Variants in APCDD1 observed in about 807,000 individuals in gnomAD.
APCDD1 encodes APC down-regulated 1.
APCDD1 carries 15 observed loss-of-function variants against 38.1 expected under a neutral mutation model. The observed-to-expected ratio is 0.39, with a 90% CI of 0.26 to 0.61. APCDD1 has a LOEUF of 0.61. Ranked by LOEUF, APCDD1 falls within the 20% of genes least tolerant of loss-of-function variation. The probability of loss-of-function intolerance (pLI) is 0.49; values close to 1 mark genes in which losing one functional copy is unlikely to be tolerated. For synonymous variants in APCDD1, 261 were observed against 279.7 expected (o/e 0.93, Z 0.67); for missense variants, 647 against 696.2 (o/e 0.93, Z 0.79).
In APCDD1 at chr18:10,476,864, T is replaced by C. The variant is rs1281378870; in HGVS notation, c.774+4803T>C. The C allele has an allele frequency of 6.6e-6, 1 of 152,232 alleles. No homozygotes were observed. Among genetic ancestry groups the C allele is most frequent in the African/African-American group, 2.4e-5 (1 of 41,462 alleles). The allele number at this position is 152,232 out of a possible 1,614,324, so 9.4% of individuals were successfully genotyped here. ...GCTGTGCTTTCTCTCTCAAATTCTT[T>C]AGGAGCCGCTAGGCTGGAGCCAGCA... On this transcript the variant is annotated intron_variant, in intron 3 of 4. Transcript: ENST00000355285. The surrounding 1 kb of genome is among the most constrained non-coding windows in gnomAD (Gnocchi z 5.8).
At chr18:10,474,670 C>T (rs2030949231) in intron 3 of APCDD1, among the ~76,000 whole-genome samples, 1 of 152,142 alleles carries the variant, frequency 6.6e-6, no homozygotes, top group South Asian at 2.1e-4. Context: ...TCTTACCTGC[C>T]TCTCTACCCC....
chr18:10,488,886 G>T lies in APCDD1; in HGVS notation c.*848G>T, dbSNP rs1223325106. The stretch of plus-strand genomic sequence containing the variant: ...GCAGTGTGGTACATGCCACACAAAT[G>T]ATAGAGAAAGTGCCCGTTCATTGCA... On this transcript the variant is annotated 3_prime_UTR_variant, in exon 5 of 5. Coordinates refer to ENST00000355285, the MANE Select transcript of APCDD1 (RefSeq NM_153000.5). 1 of 152,222 alleles carries T rather than the reference G, an allele frequency of 6.6e-6. No individual in the cohort carries two copies. The highest frequency in any genetic ancestry group is 1.5e-5 in the Non-Finnish European group (1 of 68,058). 9.4% of individuals were successfully genotyped at this position (152,222 alleles called of 1,614,324 possible).
chr18:10,483,986 T>C (rs1335402459), intron 3 of APCDD1, among the ~76,000 whole-genome samples: 1 of 152,170 alleles, frequency 6.6e-6, no homozygotes, highest in Non-Finnish European at 1.5e-5. Context: ...TGGCACTGTG[T>C]TCAAGCACCC....
At position 10,475,057 on chromosome 18, in the gene APCDD1, A is replaced by G. The variant is rs1036862076; in HGVS notation, c.774+2996A>G. On this transcript the variant is annotated intron_variant, in intron 3 of 4. Transcript: ENST00000355285. The surrounding 1 kb of genome is among the most constrained non-coding windows in gnomAD (Gnocchi z 4.0). ...CTTTTCTGTAAAATGGCAAAAATATAAGAATCAATAGGGTTAATGTGCAGA... is the reference window on the plus strand; with the variant it reads ...CTTTTCTGTAAAATGGCAAAAATATGAGAATCAATAGGGTTAATGTGCAGA... 6.6e-6 allele frequency among the ~76,000 whole-genome samples: 1 copy of G among 152,218 alleles called. No homozygotes were observed. The highest frequency in any genetic ancestry group is 1.5e-5 in the Non-Finnish European group (1 of 68,048).
At chr18:10,473,890 G>A (rs1233774085) in intron 3 of APCDD1, among the ~76,000 whole-genome samples, 1 of 151,158 alleles carries the variant, frequency 6.6e-6, no homozygotes, top group Non-Finnish European at 1.5e-5. Context: ...CCTACCTTTG[G>A]CTCGCTCTGA....
chr18:10,461,073 T>C (rs915788580), intron 1 of APCDD1, among the ~76,000 whole-genome samples: 1 of 145,050 alleles, frequency 6.9e-6, no homozygotes, highest in African/African-American at 2.5e-5. Flanking sequence ...TGGTAGCCTA[T>C]GGTGATTATG....
chr18:10,482,447 GCTC>G (rs1299673117), intron 3 of APCDD1, among the ~76,000 whole-genome samples: 4 of 152,338 alleles, frequency 2.6e-5, no homozygotes, highest in South Asian at 2.1e-4. Flanking sequence ...GGAGTGCGCA[GCTC>G]CTCCTGGCTG....
intron 1 of APCDD1, among the ~76,000 whole-genome samples, chr18:10,459,948 T>C (rs1030533089): frequency 6.6e-6 from 1 of 152,210 alleles, no homozygotes; most frequent in Non-Finnish European, 1.5e-5. Flanking sequence ...AAAAGAATCA[T>C]TTTAAGCTCT....
intron 1 of APCDD1, among the ~76,000 whole-genome samples, chr18:10,462,496 T>C (rs1265918829): frequency 6.1e-5 from 3 of 48,828 alleles, no homozygotes; most frequent in South Asian, 1.6e-3. Context: ...GACCCTCCCT[T>C]CCTTCCTTCC....
Position 10,460,549 on chromosome 18 carries a change from A to C in APCDD1, c.58+5510A>C, listed in dbSNP as rs1478307824. Among the ~76,000 whole-genome samples, 17 of 152,076 alleles carry C rather than the reference A, an allele frequency of 1.1e-4. 1 individual carries two copies. The highest frequency in any genetic ancestry group is 2.1e-4 in the South Asian group (1 of 4,822). On this transcript the variant is annotated intron_variant, in intron 1 of 4. Transcript: ENST00000355285. ...CTCTGTCTCAAAAAAAAAAAAACAA[A>C]AAACAAACAAGCAAAAAAAACTTTA... is the stretch of plus-strand genomic sequence containing the variant.
chr18:10,468,725 A>C, intron 2 of APCDD1, 73 bp downstream of exon 2: 3 of 1,461,112 alleles, frequency 2.1e-6, no homozygotes, highest in Non-Finnish European at 2.9e-6. Context: ...ATGGGTTCTC[A>C]GATGCAGAGA....
chr18:10,486,857 C>G (rs1345041418), intron 4 of APCDD1, among the ~76,000 whole-genome samples: 3 of 152,172 alleles, frequency 2.0e-5, no homozygotes, highest in African/African-American at 7.2e-5. Context: ...CCAGAAAGTC[C>G]TGGAAGACTT....
chr18:10,466,289 C>T (rs1385013004), intron 1 of APCDD1, among the ~76,000 whole-genome samples: 3 of 152,190 alleles, frequency 2.0e-5, no homozygotes, highest in Non-Finnish European at 4.4e-5. Context: ...AGTAAGCAGT[C>T]CCCTCTCCCC....
intron 1 of APCDD1, among the ~76,000 whole-genome samples, chr18:10,465,750 A>G (rs922975447): frequency 5.9e-5 from 9 of 152,198 alleles, no homozygotes; most frequent in East Asian, 1.9e-4. Flanking sequence ...GGCTGCTGCA[A>G]GTGATTCACG....
chr18:10,459,830 T>C (rs759039763), intron 1 of APCDD1, among the ~76,000 whole-genome samples: 2 of 146,292 alleles, frequency 1.4e-5, no homozygotes, highest in Non-Finnish European at 3.0e-5. Context: ...ATCTAATCAG[T>C]CACATTTTAT....
At chr18:10,464,311 A>AACACACACACACACACACACACAC (rs541648834) in intron 1 of APCDD1, among the ~76,000 whole-genome samples, 1 of 146,996 alleles carries the variant, frequency 6.8e-6, no homozygotes, top group East Asian at 2.0e-4. Flanking sequence ...CTTCAAAGTA[A>AACACACACACACACACACACACAC]ACACACACAC....
At position 10,454,708 on chromosome 18, in the gene APCDD1, G is replaced by T. The variant is rs1474501278; in HGVS notation, c.-274G>T. The T allele has an allele frequency of 2.0e-6, 2 of 983,872 alleles. No individual in the cohort carries two copies. Among genetic ancestry groups the T allele is most frequent in the Non-Finnish European group, 2.4e-6 (2 of 829,864 alleles). The allele number at this position is 983,872 out of a possible 1,614,324, so 60.9% of individuals were successfully genotyped here. Reference sequence around the variant, plus strand: ...GCGGCGCACGCGGCGGCCGGGGCGGGACGCGGGGCCGGGCGCGGAGAAGTC... The same window carrying T: ...GCGGCGCACGCGGCGGCCGGGGCGGTACGCGGGGCCGGGCGCGGAGAAGTC... On this transcript the variant is annotated 5_prime_UTR_variant, in exon 1 of 5. Transcript: ENST00000355285.
rs771187461 is a variant in APCDD1 at position 10,476,857 on chromosome 18, A to T, written c.774+4796A>T. The T allele has an allele frequency of 6.6e-6, 1 of 152,248 alleles. No individual in the cohort carries two copies. The highest frequency in any genetic ancestry group is 1.5e-5 in the Non-Finnish European group (1 of 68,044). The allele number at this position is 152,248 out of a possible 1,614,324, so 9.4% of individuals were successfully genotyped here. A position where few individuals can be genotyped will look rare whatever the true frequency, so the allele number is the denominator to read the frequency against. ...AGAGCATGCTGTGCTTTCTCTCTCA[A>T]ATTCTTTAGGAGCCGCTAGGCTGGA... On this transcript the variant is annotated intron_variant, in intron 3 of 4. Transcript: ENST00000355285. The surrounding 1 kb of genome is among the most constrained non-coding windows in gnomAD (Gnocchi z 5.8).
intron 3 of APCDD1, among the ~76,000 whole-genome samples, chr18:10,478,653 C>T (rs1303846213): frequency 6.6e-6 from 1 of 152,142 alleles, no homozygotes; most frequent in Non-Finnish European, 1.5e-5. Flanking sequence ...GACCTAGTCA[C>T]CCCCCACAGG....
Sources: gnomAD v4.1 joint callset for allele counts (sites outside exome capture counted in the v4.1 genomes callset) on GRCh38, gnomAD v4.1.1 for gene constraint, Gnocchi (gnomAD v3.1) non-coding constraint, MANE v1.5 for transcripts, NCBI Gene and HGNC (gene_info 2026-07-23, HGNC 2026-07-21) for gene names.